Variants in ERBB4 observed in about 807,000 individuals in gnomAD.
ERBB4 encodes erb-b2 receptor tyrosine kinase 4, also known as receptor tyrosine-protein kinase erbB-4.
A neutral mutation model predicts 158.0 loss-of-function variants in ERBB4; 42 were observed. The ratio of observed to expected loss-of-function variants is 0.27; its 90% CI spans 0.21 to 0.34. The LOEUF (loss-of-function observed/expected upper bound fraction) is 0.34, where lower values mean the gene tolerates loss of function less well. Among genes scored for constraint, ERBB4 ranks in the 10% least tolerant of loss-of-function variants. ERBB4 has a pLI of 1.00. For synonymous variants in ERBB4, 583 were observed against 558.7 expected (o/e 1.04, Z -0.61); for missense variants, 1,333 against 1,624.1 (o/e 0.82, Z 3.08).
At chr2:212,508,328 T>C (rs973134912) in intron 1 of ERBB4, among the ~76,000 whole-genome samples, 1 of 152,102 alleles carries the variant, frequency 6.6e-6, no homozygotes, top group Admixed American at 6.6e-5. Flanking sequence ...TTCATATTAT[T>C]ATATAGAAAT....
chr2:211,877,892 G>A (rs2078551898), intron 3 of ERBB4, among the ~76,000 whole-genome samples: 1 of 152,152 alleles, frequency 6.6e-6, no homozygotes, highest in Admixed American at 6.5e-5. Flanking sequence ...CGGGTCACCT[G>A]AGGTCAGGTG....
chr2:212,234,662 A>G (rs1223445332), intron 1 of ERBB4, among the ~76,000 whole-genome samples: 1 of 152,112 alleles, frequency 6.6e-6, no homozygotes, highest in African/African-American at 2.4e-5. Flanking sequence ...TGACTTTTTC[A>G]TGATCGCCAT....
intron 1 of ERBB4, among the ~76,000 whole-genome samples, chr2:212,523,281 C>A (rs1271621468): frequency 2.6e-5 from 4 of 151,860 alleles, no homozygotes; most frequent in Non-Finnish European, 1.5e-5. Flanking sequence ...TATCTCCCAG[C>A]CACAAATGCA....
At chr2:211,443,046 G>T (rs988920627) in intron 20 of ERBB4, among the ~76,000 whole-genome samples, 1 of 151,756 alleles carries the variant, frequency 6.6e-6, no homozygotes, top group Non-Finnish European at 1.5e-5. Flanking sequence ...TCGATTGATT[G>T]ATTTCCTCCT....
At chr2:211,885,487 ACT>A (rs1264970420) in intron 3 of ERBB4, among the ~76,000 whole-genome samples, 1 of 151,894 alleles carries the variant, frequency 6.6e-6, no homozygotes, top group African/African-American at 2.4e-5. Context: ...ACAGGCTCTC[ACT>A]CTGTCACCCA....
chr2:211,476,151 G>C (rs940412712), intron 20 of ERBB4, among the ~76,000 whole-genome samples: 1 of 152,100 alleles, frequency 6.6e-6, no homozygotes, highest in Admixed American at 6.6e-5. Flanking sequence ...TGAAGAGAAA[G>C]TGGGGAAGGG....
intron 1 of ERBB4, among the ~76,000 whole-genome samples, chr2:212,525,012 A>G (rs1047700480): frequency 2.0e-5 from 3 of 151,940 alleles, no homozygotes; most frequent in African/African-American, 7.3e-5. Context: ...GGTTCCAGGG[A>G]AGGTACCAGG....
At chr2:211,873,858 T>C (rs1559599412) in intron 3 of ERBB4, among the ~76,000 whole-genome samples, 1 of 150,634 alleles carries the variant, frequency 6.6e-6, no homozygotes, top group Non-Finnish European at 1.5e-5. Flanking sequence ...AATGTGTTCT[T>C]AAAAAAAATA....
At chr2:212,388,152 T>C (rs2090739719) in intron 1 of ERBB4, among the ~76,000 whole-genome samples, 1 of 152,164 alleles carries the variant, frequency 6.6e-6, no homozygotes, top group Non-Finnish European at 1.5e-5. Context: ...ATGACTAATC[T>C]GACTGTACTA....
chr2:212,316,645 T>C (rs2087293549), intron 1 of ERBB4, among the ~76,000 whole-genome samples: 1 of 151,490 alleles, frequency 6.6e-6, no homozygotes, highest in Admixed American at 6.6e-5. Flanking sequence ...GTCAATAAAA[T>C]GCTGAGCGAA....
intron 2 of ERBB4, among the ~76,000 whole-genome samples, chr2:212,004,761 T>C (rs1157207687): frequency 6.6e-6 from 1 of 152,098 alleles, no homozygotes; most frequent in African/African-American, 2.4e-5. Context: ...CACCCCAAAA[T>C]ATATGTATTA....
intron 20 of ERBB4, among the ~76,000 whole-genome samples, chr2:211,435,830 T>C (rs1364375327): frequency 2.6e-5 from 4 of 152,238 alleles, no homozygotes; most frequent in Admixed American, 6.5e-5. Context: ...ATGGTAGAAG[T>C]TGGATTGAAT....
chr2:211,602,559 T>C (rs1161392559), intron 19 of ERBB4, among the ~76,000 whole-genome samples: 1 of 152,146 alleles, frequency 6.6e-6, no homozygotes, highest in Non-Finnish European at 1.5e-5. Context: ...AAACAAAGTA[T>C]GGACCCCTTC....
At chr2:211,494,818 T>C (rs2065429929) in intron 20 of ERBB4, among the ~76,000 whole-genome samples, 1 of 152,136 alleles carries the variant, frequency 6.6e-6, no homozygotes, top group African/African-American at 2.4e-5. Flanking sequence ...CTGCCAGTCA[T>C]CTCATGTGAA....
chr2:211,477,417 C>A (rs1210387658), intron 20 of ERBB4, among the ~76,000 whole-genome samples: 2 of 151,948 alleles, frequency 1.3e-5, no homozygotes, highest in Admixed American at 6.6e-5. Context: ...AATTAATACA[C>A]TAAAGATGAA....
At chr2:211,603,180 G>A (rs1373883168) in intron 19 of ERBB4, among the ~76,000 whole-genome samples, 3 of 152,114 alleles carry the variant, frequency 2.0e-5, no homozygotes, top group Admixed American at 6.6e-5. Flanking sequence ...GCAGTGAGCC[G>A]AGATCGCGTC....
At chr2:211,774,291 T>C (rs2075817544) in intron 4 of ERBB4, among the ~76,000 whole-genome samples, 1 of 152,024 alleles carries the variant, frequency 6.6e-6, no homozygotes, top group African/African-American at 2.4e-5. Context: ...AGGCTGGTTT[T>C]GAACTCCTAA....
intron 1 of ERBB4, among the ~76,000 whole-genome samples, chr2:212,231,893 G>C (rs2105984651): frequency 6.6e-6 from 1 of 152,136 alleles, no homozygotes; most frequent in African/African-American, 2.4e-5. Context: ...CCTTTTAAGT[G>C]AATACACCAA....
At chr2:212,503,980 A>G (rs146532128) in intron 1 of ERBB4, among the ~76,000 whole-genome samples, 107 of 152,338 alleles carry the variant, frequency 7.0e-4, no homozygotes, top group Non-Finnish European at 1.3e-3. Flanking sequence ...TTAAGTATCT[A>G]TATGTTTGTA....
Sources: gnomAD v4.1 joint callset for allele counts (sites outside exome capture counted in the v4.1 genomes callset) on GRCh38, gnomAD v4.1.1 for gene constraint, MANE v1.5 for transcripts, NCBI Gene and HGNC (gene_info 2026-07-23, HGNC 2026-07-21) for gene names.